Variants in TULP4 observed in about 807,000 individuals in gnomAD.
TULP4 encodes TUB like protein 4, also known as tubby-related protein 4.
In TULP4, 16 loss-of-function variants were observed where a neutral mutation model predicts 129.0. The ratio of observed to expected loss-of-function variants is 0.12; its 90% CI spans 0.08 to 0.19. The LOEUF (loss-of-function observed/expected upper bound fraction) is 0.19. TULP4 is among the 10% of genes least tolerant of loss of function. The pLI is 1.00. For synonymous variants in TULP4, 998 were observed against 854.0 expected (o/e 1.17, Z -2.94); for missense variants, 1,842 against 2,059.1 (o/e 0.89, Z 2.04).
chr6:158,243,693 T>C (rs1357886717), intron 1 of TULP4, among the ~76,000 whole-genome samples: 3 of 152,214 alleles, frequency 2.0e-5, no homozygotes, highest in Non-Finnish European at 4.4e-5. Context: ...AATCCAATTT[T>C]ATTTTTTTGT....
At chr6:158,278,736 T>C (rs1778688551), upstream of TULP4, among the ~76,000 whole-genome samples, 1 of 152,178 alleles carries the variant, frequency 6.6e-6, no homozygotes, top group South Asian at 2.1e-4. Context: ...TTGATTCTGA[T>C]ATTTTTCCCC....
At chr6:158,349,308 TC>T (rs1437449727) in intron 1 of TULP4, among the ~76,000 whole-genome samples, 5 of 95,842 alleles carry the variant, frequency 5.2e-5, no homozygotes, top group Admixed American at 1.2e-4. Flanking sequence ...TCAGAGGTGC[TC>T]CCTCACATCC....
At chr6:158,386,674 C>T (rs538661153) in intron 1 of TULP4, among the ~76,000 whole-genome samples, 1 of 152,174 alleles carries the variant, frequency 6.6e-6, no homozygotes, top group South Asian at 2.1e-4. Flanking sequence ...GGCAGTATAC[C>T]ATAGTGTTTA....
chr6:158,283,560 A>G (rs1778792746), intron 1 of TULP4, among the ~76,000 whole-genome samples: 2 of 152,142 alleles, frequency 1.3e-5, no homozygotes, highest in South Asian at 2.1e-4. Flanking sequence ...ATTTGATTCA[A>G]CTTTGGATCT....
intron 5 of TULP4, among the ~76,000 whole-genome samples, chr6:158,456,708 C>T (rs1384734237): frequency 1.3e-5 from 2 of 151,864 alleles, no homozygotes; most frequent in South Asian, 2.1e-4. Flanking sequence ...GTGGCGTGTG[C>T]GTGTAATCCC....
chr6:158,489,353 A>G (rs1013934507), intron 8 of TULP4, among the ~76,000 whole-genome samples: 1 of 152,248 alleles, frequency 6.6e-6, no homozygotes, highest in Non-Finnish European at 1.5e-5. Context: ...TATTTCGTAC[A>G]TTCCTAGAAA....
chr6:158,435,899 G>A (rs1296356715), intron 3 of TULP4, among the ~76,000 whole-genome samples: 2 of 150,852 alleles, frequency 1.3e-5, no homozygotes, highest in Non-Finnish European at 2.9e-5. Flanking sequence ...CCTCAACTGG[G>A]AATCCTTTAT....
intron 1 of TULP4, among the ~76,000 whole-genome samples, chr6:158,405,078 A>T (rs1480315880): frequency 6.6e-6 from 1 of 152,174 alleles, no homozygotes; most frequent in Non-Finnish European, 1.5e-5. Context: ...TCCTTCTAAG[A>T]TGTTTGTGGA....
intron 1 of TULP4, among the ~76,000 whole-genome samples, chr6:158,383,872 T>C: frequency 6.6e-6 from 1 of 152,204 alleles, no homozygotes; most frequent in Non-Finnish European, 1.5e-5. Context: ...ACACACTTGT[T>C]AGGCTAGGGA....
intron 6 of TULP4, among the ~76,000 whole-genome samples, chr6:158,475,554 A>G (rs979781468): frequency 6.6e-6 from 1 of 152,196 alleles, no homozygotes; most frequent in African/African-American, 2.4e-5. Flanking sequence ...GTTCAAACAC[A>G]ACGTGAATCT....
chr6:158,469,941 A>T (rs1454118182), intron 6 of TULP4, among the ~76,000 whole-genome samples: 1 of 151,972 alleles, frequency 6.6e-6, no homozygotes, highest in Non-Finnish European at 1.5e-5. Flanking sequence ...CACTTCCAAG[A>T]TGGTGGCAAG....
At chr6:158,352,929 A>G (rs193120944) in intron 1 of TULP4, among the ~76,000 whole-genome samples, 41 of 152,360 alleles carry the variant, frequency 2.7e-4, no homozygotes, top group African/African-American at 9.4e-4. Flanking sequence ...GGAAAAGTGT[A>G]TGAGTTTTTG....
intron 8 of TULP4, among the ~76,000 whole-genome samples, chr6:158,481,710 C>T (rs1049565556): frequency 6.6e-6 from 1 of 152,162 alleles, no homozygotes; most frequent in African/African-American, 2.4e-5. Context: ...CTTCAGCCTC[C>T]TACCCCTCCC....
At position 158,481,123 on chromosome 6, in the gene TULP4, G is replaced by T; in HGVS notation, c.1320G>T (p.Leu440=). The T allele has an allele frequency of 6.2e-7, 1 of 1,610,776 alleles. No homozygotes were observed. Among genetic ancestry groups the T allele is most frequent in the South Asian group, 1.1e-5 (1 of 90,996 alleles). ...ACCCATCAGCCGGCAACGAGCGGCT[G>T]CACTGCACCATGAAGCGCACAGAGG... is the stretch of plus-strand genomic sequence containing the variant. ...VSYPSAGNER[L]HCTMKRTEDD... is the part of the protein sequence containing the mutation. Residue 440 remains leucine, a synonymous_variant, in exon 8 of 14, where the codon CTG becomes CTT. Coordinates refer to ENST00000367097, the MANE Select transcript of TULP4 (RefSeq NM_020245.5).
chr6:158,311,880 G>A (rs1042653130), upstream of TULP4, among the ~76,000 whole-genome samples: 1 of 152,188 alleles, frequency 6.6e-6, no homozygotes, highest in Admixed American at 6.5e-5. Context: ...TGAGTCTGGT[G>A]AGGTGTATCC....
rs1330875843 is a variant in TULP4 at position 158,313,797 on chromosome 6, GAA to G, written c.-219_-218del. The G allele has an allele frequency of 9.2e-6, 5 of 542,666 alleles. No homozygotes were observed. The highest frequency in any genetic ancestry group is 1.6e-5 in the Non-Finnish European group (5 of 312,926). The allele number at this position is 542,666 out of a possible 1,614,324, so 33.6% of individuals were successfully genotyped here. On this transcript the variant is annotated 5_prime_UTR_variant, in exon 1 of 14. Transcript: ENST00000367097. ...TTTTTTTAAGCATTACCTTTTCTTA[GAA>G]GACTGCCATCATCTTTTATAGAGGA...
intron 1 of TULP4, among the ~76,000 whole-genome samples, chr6:158,349,784 C>A (rs1221980135): frequency 1.6e-5 from 2 of 126,812 alleles, no homozygotes; most frequent in Admixed American, 8.3e-5. Context: ...TCACTTCCTC[C>A]CAGACGGGGC....
At chr6:158,457,762 T>C (rs1024555007) in intron 5 of TULP4, among the ~76,000 whole-genome samples, 1 of 152,194 alleles carries the variant, frequency 6.6e-6, no homozygotes, top group Non-Finnish European at 1.5e-5. Flanking sequence ...TGTCATTTCA[T>C]TAAGCACACT....
At chr6:158,481,805 T>C (rs2128250997) in intron 8 of TULP4, among the ~76,000 whole-genome samples, 1 of 152,312 alleles carries the variant, frequency 6.6e-6, no homozygotes, top group East Asian at 1.9e-4. Flanking sequence ...GTCACCCTTT[T>C]CTTCTAAAAA....
Sources: gnomAD v4.1 joint callset for allele counts (sites outside exome capture counted in the v4.1 genomes callset) on GRCh38, gnomAD v4.1.1 for gene constraint, MANE v1.5 for transcripts, NCBI Gene and HGNC (gene_info 2026-07-23, HGNC 2026-07-21) for gene names.